PLEKHG4: variants seen among roughly 807,000 people sequenced by gnomAD.
PLEKHG4 encodes pleckstrin homology and RhoGEF domain containing G4, also known as puratrophin-1.
A neutral mutation model predicts 136.9 loss-of-function variants in PLEKHG4; 85 were observed. That is an observed-to-expected ratio of 0.62 (90% CI 0.52 to 0.74). The LOEUF (loss-of-function observed/expected upper bound fraction) is 0.74. Ranked by LOEUF, PLEKHG4 falls within the 30% of genes least tolerant of loss-of-function variation. PLEKHG4 has a pLI of 0.00. For synonymous variants in PLEKHG4, 577 were observed against 646.9 expected, an observed-to-expected ratio of 0.89 and a Z score of 1.64; for missense variants, 1,317 against 1,527.8, an observed-to-expected ratio of 0.86 and a Z score of 2.30.
chr16:67,278,988 A>G (rs2036083168), upstream of PLEKHG4: 1 of 152,280 alleles, frequency 6.6e-6, no homozygotes, highest in South Asian at 2.1e-4. Flanking sequence ...TGGCAGCCCC[A>G]TCCCACGTGG....
upstream of PLEKHG4, chr16:67,278,405 C>T (rs983552890): frequency 2.0e-5 from 3 of 152,350 alleles, no homozygotes; most frequent in Non-Finnish European, 2.9e-5. Flanking sequence ...CCAGGGAAGC[C>T]GTTGCACCCG....
chr16:67,285,200 C>T lies in PLEKHG4; in HGVS notation c.2180C>T (p.Pro727Leu). 1 of 1,613,700 alleles carries T rather than the reference C, an allele frequency of 6.2e-7. No individual in the cohort carries two copies. The highest frequency in any genetic ancestry group is 8.5e-7 in the Non-Finnish European group (1 of 1,180,008). Residue 727 changes from proline (P) to leucine (L), a missense_variant, in exon 13 of 22, where the codon CCC (proline) becomes CTC (leucine). Physicochemically the swap from Pro to Leu is moderately conservative, Grantham distance 98. Transcript: ENST00000379344. The part of the protein sequence containing the change: ...PTVPPPGSSD[P>L]RSLNRLQLVL... ...GTGCCTCCACCAGGCAGCTCTGACC[C>T]CAGGAGCCTCAACAGGTATGGGCAG...
chr16:67,284,660 C>T lies in PLEKHG4; in HGVS notation c.1693-53C>T, dbSNP rs1034652274. On this transcript the variant is annotated intron_variant, in intron 12 of 21. Transcript: ENST00000379344. The surrounding 1 kb of genome is among the most constrained non-coding windows in gnomAD (Gnocchi z 4.4). ...GGAGTGGGTAGAGGAGCAGAGTGCC[C>T]AGCAGGCTTGGCAGGATCTTCCTCT... 5.6e-6 allele frequency: 9 copies of T among 1,595,766 alleles called. No individual in the cohort carries two copies. Among genetic ancestry groups the T allele is most frequent in the Middle Eastern group, 1.8e-4 (1 of 5,634 alleles).
chr16:67,286,898 T>C lies in PLEKHG4; in HGVS notation c.2904T>C (p.Phe968=). The C allele has an allele frequency of 6.2e-7, 1 of 1,613,994 alleles. No homozygotes were observed. The highest frequency in any genetic ancestry group is 8.5e-7 in the Non-Finnish European group (1 of 1,180,002). The change falls in exon 17 of 22, where the codon TTT becomes TTC. Residue 968 remains phenylalanine (F), a synonymous_variant. Transcript: ENST00000379344. The part of the protein sequence containing the change: ...PRHGPTGVDT[F]AYKRSFKMAD... ...ATGGGCCCACAGGGGTTGACACATT[T>C]GCCTACAAGCGCTCCTTCAAGGTAG...
Position 67,284,936 on chromosome 16 carries a change from T to A in PLEKHG4, c.1916T>A (p.Leu639Gln), listed in dbSNP as rs2036397223. 1 of 1,612,924 alleles carries A rather than the reference T, an allele frequency of 6.2e-7. No homozygotes were observed. Among genetic ancestry groups the A allele is most frequent in the Admixed American group, 1.7e-5 (1 of 59,992 alleles). ...CGGTGCCAGGACACCTGGCTGGCCC[T>A]GGACCAAAAGCTTGAGGCTTCACTG... Reference protein sequence around the residue: ...WARCQDTWLALDQKLEASLKL... With the variant: ...WARCQDTWLAQDQKLEASLKL... The change falls in exon 13 of 22, where the codon CTG becomes CAG. Residue 639 changes from leucine (L) to glutamine (Q), a missense_variant. Coordinates refer to ENST00000379344, the MANE Select transcript of PLEKHG4 (RefSeq NM_001129729.3). This position sits in a 1 kb window ranked among gnomAD's most constrained non-coding sequence, Gnocchi z 4.4.
chr16:67,288,591 A>G lies in PLEKHG4; in HGVS notation c.3557A>G (p.Glu1186Gly). ...VSGQALGRGL[E>G]DLPCV is the part of the protein sequence containing the mutation. ...GGGCAGGCCCTGGGTAGGGGCCTGG[A>G]GGACTTACCCTGTGTGAGTGCCATT... Residue 1186 changes from glutamate to glycine, a missense_variant, in exon 21 of 22, where the codon GAG (glutamate) becomes GGG (glycine). Glu to Gly is a moderately conservative substitution (Grantham distance 98). Coordinates refer to ENST00000379344, the MANE Select transcript of PLEKHG4 (RefSeq NM_001129729.3). 6.2e-7 allele frequency: 1 copy of G among 1,614,078 alleles called. No homozygotes were observed. Among genetic ancestry groups the G allele is most frequent in the Non-Finnish European group, 8.5e-7 (1 of 1,179,908 alleles).
intron 11 of PLEKHG4, 85 bp downstream of exon 11, chr16:67,282,943 A>T (rs142343221): frequency 2.0e-6 from 2 of 984,970 alleles, no homozygotes; most frequent in Non-Finnish European, 3.3e-6. Flanking sequence ...AAGCAATTCA[A>T]TCCTTTGCTT....
intron 14 of PLEKHG4, 59 bp downstream of exon 14, chr16:67,285,595 T>C (rs1479770794): frequency 3.0e-5 from 48 of 1,590,584 alleles, no homozygotes; most frequent in Non-Finnish European, 3.8e-5. Flanking sequence ...AAGTTGCTGC[T>C]GGGCACATGC....
chr16:67,278,471 T>A (rs1200144652), upstream of PLEKHG4: 1 of 152,158 alleles, frequency 6.6e-6, no homozygotes, highest in East Asian at 1.9e-4. Flanking sequence ...CTCAGGGTCT[T>A]CTCCTGGTCG....
In PLEKHG4 at chr16:67,287,222, A is replaced by C. The variant is rs777241562; in HGVS notation, c.3103+45A>C. ...TCACGCCACACTCCCCTCACTGGAG[A>C]GCTTACATTGACCCACAGGAGCCCA... On this transcript the variant is annotated intron_variant, in intron 18 of 21. Transcript: ENST00000379344. The C allele has an allele frequency of 2.5e-6, 4 of 1,582,540 alleles. No homozygotes were observed. In the Admixed American group the frequency reaches 6.7e-5, roughly 26 times the overall value.
chr16:67,289,065 G>T lies in PLEKHG4; in HGVS notation c.*257G>T. 1 of 606,398 alleles carries T rather than the reference G, an allele frequency of 1.6e-6. No homozygotes were observed. 37.6% of individuals were successfully genotyped at this position (606,398 alleles called of 1,614,324 possible). On this transcript the variant is annotated 3_prime_UTR_variant, in exon 22 of 22. Transcript: ENST00000379344. ...TCTCCTGTCCCCAGCTCCCATCCCA[G>T]TTGTGGGTTAAGAATAGGCTAGAGC...
intron 11 of PLEKHG4, among the ~76,000 whole-genome samples, chr16:67,283,124 T>C (rs2036307955): frequency 6.6e-6 from 1 of 151,922 alleles, no homozygotes; most frequent in Admixed American, 6.6e-5. Flanking sequence ...TTTTGGGTGA[T>C]TTTTGAGCTG....
chr16:67,281,064 G>A (rs767760292), intron 4 of PLEKHG4, 27 bp from the exon 5 acceptor site: 4 of 1,613,758 alleles, frequency 2.5e-6, no homozygotes, highest in African/African-American at 2.7e-5. Context: ...TGGGAGTCAG[G>A]TACTGAACTG....
chr16:67,285,666 T>TGAGGGTGCTCTTAGTCCA (rs2036436862), intron 14 of PLEKHG4, 130 bp downstream of exon 14: 1 of 1,056,266 alleles, frequency 9.5e-7, no homozygotes, highest in Non-Finnish European at 1.4e-6. Flanking sequence ...CTCCTGCACC[T>TGAGGGTGCTCTTAGTCCA]GAGGGTGCTC....
chr16:67,286,188 TC>T, intron 14 of PLEKHG4, 85 bp from the exon 15 acceptor site: 1 of 929,572 alleles, frequency 1.1e-6, no homozygotes. Context: ...GGCATTTTGG[TC>T]CTCTCAAGCT....
At position 67,288,199 on chromosome 16, in the gene PLEKHG4, C is replaced by G; in HGVS notation, c.3253C>G (p.Pro1085Ala). The G allele has an allele frequency of 6.2e-7, 1 of 1,614,048 alleles. No homozygotes were observed. The highest frequency in any genetic ancestry group is 1.3e-5 in the African/African-American group (1 of 75,018). ...VRSRASIAVA[P>A]FDHDSLYLGA... ...CTCTCGGGCGTCCATTGCCGTAGCC[C>G]CGTTTGACCATGACAGCCTCTACCT... Residue 1085 changes from proline (P) to alanine (A), a missense_variant, in exon 20 of 22, where the codon CCG becomes GCG. Physicochemically the swap from Pro to Ala is conservative, Grantham distance 27 (BLOSUM62 -1). Coordinates refer to ENST00000379344, the MANE Select transcript of PLEKHG4 (RefSeq NM_001129729.3).
intron 7 of PLEKHG4, 51 bp downstream of exon 7, chr16:67,281,888 C>T: frequency 6.4e-7 from 1 of 1,555,592 alleles, no homozygotes; most frequent in Non-Finnish European, 8.9e-7. Context: ...AACTTGGGAT[C>T]ATGGAGGAGC....
intron 7 of PLEKHG4, 25 bp downstream of exon 7, chr16:67,281,862 G>A (rs1254339457): frequency 1.3e-6 from 2 of 1,594,584 alleles, no homozygotes; most frequent in Non-Finnish European, 1.7e-6. Flanking sequence ...TGGGGCATGG[G>A]GGCAGTCATA....
chr16:67,282,375 C>T (rs1237175517), intron 9 of PLEKHG4, 26 bp downstream of exon 9: 2 of 1,610,798 alleles, frequency 1.2e-6, no homozygotes, highest in Middle Eastern at 1.6e-4. Context: ...GCCCCCAGAT[C>T]TTGCCCCAGC....
Sources: gnomAD v4.1 joint callset for allele counts (sites outside exome capture counted in the v4.1 genomes callset) on GRCh38, gnomAD v4.1.1 for gene constraint, Gnocchi (gnomAD v3.1) non-coding constraint, MANE v1.5 for transcripts, NCBI Gene and HGNC (gene_info 2026-07-23, HGNC 2026-07-21) for gene names.